Variants in EHMT1 observed in about 807,000 individuals in gnomAD.
EHMT1 encodes euchromatic histone lysine methyltransferase 1.
A neutral mutation model predicts 147.2 loss-of-function variants in EHMT1; 15 were observed. The ratio of observed to expected loss-of-function variants is 0.10; its 90% CI spans 0.07 to 0.16. EHMT1 has a LOEUF of 0.16. Among genes scored for constraint, EHMT1 ranks in the 10% least tolerant of loss-of-function variants. The pLI is 1.00. For synonymous variants in EHMT1, 795 were observed against 709.6 expected (o/e 1.12, Z -1.91); for missense variants, 1,587 against 1,772.4 (o/e 0.90, Z 1.88).
chr9:137,662,951 G>A (rs1364911892), intron 1 of EHMT1, among the ~76,000 whole-genome samples: 1 of 151,682 alleles, frequency 6.6e-6, no homozygotes, highest in Non-Finnish European at 1.5e-5. Flanking sequence ...ACGCCACCAT[G>A]CCCGGCTAAT....
In EHMT1 at chr9:137,828,041, G is replaced by T. The variant is rs1955935351; in HGVS notation, c.3541-6308G>T. 6.6e-6 allele frequency among the ~76,000 whole-genome samples: 1 copy of T among 152,184 alleles called. No homozygotes were observed. Among genetic ancestry groups the T allele is most frequent in the Admixed American group, 6.5e-5 (1 of 15,282 alleles). On this transcript the variant is annotated intron_variant, in intron 25 of 26. Coordinates refer to ENST00000460843, the MANE Select transcript of EHMT1 (RefSeq NM_024757.5). This position sits in a 1 kb window ranked among gnomAD's most constrained non-coding sequence, Gnocchi z 5.3. ...CCAGCCGACAGGGTGCGACGGGGTG[G>T]TCGGCCCGGCTGCCATCGTGGGAGG...
chr9:137,814,411 C>T lies in EHMT1; in HGVS notation c.3181-20C>T, dbSNP rs1029242400. The T allele has an allele frequency of 1.2e-6, 2 of 1,611,696 alleles. No homozygotes were observed. Among genetic ancestry groups the T allele is most frequent in the African/African-American group, 2.7e-5 (2 of 75,052 alleles). The stretch of plus-strand genomic sequence containing the variant: ...AGGCCTGTGCCTGCACGTCTGACCC[C>T]CCGGCGCCTCTCTTCTCAGTACTGC... On this transcript the variant is annotated intron_variant, in intron 21 of 26. Coordinates refer to ENST00000460843, the MANE Select transcript of EHMT1 (RefSeq NM_024757.5).
rs772982765 is a variant in EHMT1, at chr9:137,728,510, C to T, written c.804C>T (p.Ala268=). The T allele has an allele frequency of 2.5e-6, 4 of 1,614,120 alleles. No individual in the cohort carries two copies. The South Asian group carries it at 4.4e-5, about 18-fold the overall frequency. Residue 268 remains alanine (A), a synonymous_variant, in exon 4 of 27, where the codon GCC becomes GCT. Coordinates refer to ENST00000460843, the MANE Select transcript of EHMT1 (RefSeq NM_024757.5). The part of the protein sequence containing the change: ...QSLPQNQCYM[A]TTKSQTACLP... ...TACCTCAGAACCAGTGCTACATGGC[C>T]ACCACAAAATCACAGACAGGTAAAG...
At chr9:137,689,560 G>A (rs1341377249) in intron 1 of EHMT1, among the ~76,000 whole-genome samples, 1 of 151,960 alleles carries the variant, frequency 6.6e-6, no homozygotes, top group Non-Finnish European at 1.5e-5. Context: ...AAAATTAGCC[G>A]GGTGCAGTGG....
chr9:137,688,920 G>T (rs1310348597), intron 1 of EHMT1, among the ~76,000 whole-genome samples: 1 of 152,142 alleles, frequency 6.6e-6, no homozygotes, highest in African/African-American at 2.4e-5. Context: ...TGCTATTGTG[G>T]ATGTCTTTGT....
chr9:137,710,842 C>G, intron 1 of EHMT1, 125 bp from the exon 2 acceptor site: 1 of 1,056,164 alleles, frequency 9.5e-7, no homozygotes, highest in Non-Finnish European at 1.4e-6. Flanking sequence ...AGGAGTAAAT[C>G]TGACTGTCCA....
Position 137,777,967 on chromosome 9 carries a change from G to A in EHMT1, c.2104G>A (p.Ala702Thr). 6.2e-7 allele frequency: 1 copy of A among 1,613,876 alleles called. No individual in the cohort carries two copies. The highest frequency in any genetic ancestry group is 8.5e-7 in the Non-Finnish European group (1 of 1,180,032). Residue 702 changes from alanine to threonine, a missense_variant, in exon 13 of 27, where the codon GCT (alanine) becomes ACT (threonine). Ala to Thr is a moderately conservative substitution (Grantham distance 58). Coordinates refer to ENST00000460843, the MANE Select transcript of EHMT1 (RefSeq NM_024757.5). ...CGAGGGCTTTGATCCAACGGGACCT[G>A]CTGGGCTTGGGAGGCCAACTCCCGG... ...VPEGFDPTGP[A>T]GLGRPTPGLS...
chr9:137,634,868 ATTTTTTTTTTTTT>A (rs781056803), intron 1 of EHMT1, among the ~76,000 whole-genome samples: 2 of 92,102 alleles, frequency 2.2e-5, no homozygotes, highest in Non-Finnish European at 2.0e-5. Context: ...TGCCCAGCTA[ATTTTTTTTTTTTT>A]TTTTTTTTTT....
intron 18 of EHMT1, 82 bp downstream of exon 18, chr9:137,801,066 C>T: frequency 1.5e-6 from 2 of 1,302,416 alleles, no homozygotes; most frequent in Non-Finnish European, 2.2e-6. Context: ...TTCTCAAAAG[C>T]AGAACCCTGG....
At chr9:137,625,661 C>T (rs1182605664) in intron 1 of EHMT1, among the ~76,000 whole-genome samples, 1 of 151,810 alleles carries the variant, frequency 6.6e-6, no homozygotes, top group African/African-American at 2.4e-5. Context: ...TTACTGTTTT[C>T]TCTGTGTTCT....
chr9:137,647,487 C>A (rs919880546), intron 1 of EHMT1, among the ~76,000 whole-genome samples: 1 of 152,074 alleles, frequency 6.6e-6, no homozygotes, highest in Non-Finnish European at 1.5e-5. Flanking sequence ...AGCTTCTTCT[C>A]CCTGCTTTTT....
intron 1 of EHMT1, among the ~76,000 whole-genome samples, chr9:137,621,042 G>A (rs1245838405): frequency 2.0e-5 from 3 of 152,236 alleles, no homozygotes; most frequent in Admixed American, 6.5e-5. Flanking sequence ...AGATTGAAGA[G>A]CTTGTGGCCA....
chr9:137,789,874 C>T (rs1450598504), intron 15 of EHMT1, among the ~76,000 whole-genome samples: 2 of 152,346 alleles, frequency 1.3e-5, no homozygotes, highest in African/African-American at 4.8e-5. Context: ...GGATTACAGG[C>T]GCCAGGCACC....
chr9:137,758,336 A>G (rs1189071889), intron 9 of EHMT1, among the ~76,000 whole-genome samples: 1 of 152,230 alleles, frequency 6.6e-6, no homozygotes, highest in Non-Finnish European at 1.5e-5. Flanking sequence ...GTGGCATCTC[A>G]GGACACACGG....
chr9:137,759,475 T>C (rs1442078954), intron 9 of EHMT1, among the ~76,000 whole-genome samples: 1 of 152,164 alleles, frequency 6.6e-6, no homozygotes, highest in Non-Finnish European at 1.5e-5. Context: ...CACCTGTCAG[T>C]GTGCGCCTGC....
chr9:137,700,399 G>GA (rs1356573232), intron 1 of EHMT1, among the ~76,000 whole-genome samples: 1 of 152,106 alleles, frequency 6.6e-6, no homozygotes, highest in Admixed American at 6.5e-5. Flanking sequence ...AACATTTAAG[G>GA]AAAAAACTTC....
At chr9:137,649,487 CAAA>C (rs1006893407) in intron 1 of EHMT1, among the ~76,000 whole-genome samples, 53 of 144,858 alleles carry the variant, frequency 3.7e-4, no homozygotes, top group African/African-American at 1.4e-3. Context: ...AACAAACAAA[CAAA>C]AATGTCCTCC....
At chr9:137,754,137 A>G (rs1227000039) in intron 7 of EHMT1, 34 bp from the exon 8 acceptor site, 1 of 1,613,786 alleles carries the variant, frequency 6.2e-7, no homozygotes, top group Admixed American at 1.7e-5. Context: ...TCCTGTGCTT[A>G]GTGGTTTATA....
intron 1 of EHMT1, chr9:137,675,291 A>G (rs1941132554): frequency 6.6e-6 from 1 of 152,230 alleles, no homozygotes; most frequent in South Asian, 2.1e-4. Flanking sequence ...GGAATTAGAA[A>G]AATGAGTTGC....
Sources: allele counts gnomAD v4.1 joint callset (sites outside exome capture counted in the v4.1 genomes callset), GRCh38; gene constraint gnomAD v4.1.1; non-coding constraint Gnocchi (gnomAD v3.1); transcripts MANE v1.5; gene names NCBI Gene and HGNC (gene_info 2026-07-23, HGNC 2026-07-21).